CEP112: variants seen among roughly 807,000 people sequenced by gnomAD.
The protein encoded by CEP112 is centrosomal protein 112, also known as centrosomal protein of 112 kDa.
Under a neutral mutation model 153.0 loss-of-function variants are expected in CEP112, and 127 were observed. The ratio of observed to expected loss-of-function variants is 0.83; its 90% CI spans 0.72 to 0.96. The LOEUF (loss-of-function observed/expected upper bound fraction) is 0.96, where lower values mean the gene tolerates loss of function less well. Among genes scored for constraint, CEP112 ranks in the 40% least tolerant of loss-of-function variants. The probability of loss-of-function intolerance (pLI) is 0.00; values close to 1 mark genes in which losing one functional copy is unlikely to be tolerated. For synonymous variants in CEP112, 358 were observed against 374.4 expected, an observed-to-expected ratio of 0.96 and a Z score of 0.51; for missense variants, 1,089 against 1,101.2, an observed-to-expected ratio of 0.99 and a Z score of 0.16.
At chr17:65,920,965 T>C (rs2060704765) in intron 19 of CEP112, among the ~76,000 whole-genome samples, 1 of 152,208 alleles carries the variant, frequency 6.6e-6, no homozygotes. Context: ...ACTCATTTTT[T>C]TTAATCCTAC....
At chr17:65,977,723 T>A (rs2063088702) in intron 17 of CEP112, among the ~76,000 whole-genome samples, 2 of 152,192 alleles carry the variant, frequency 1.3e-5, no homozygotes, top group African/African-American at 4.8e-5. Flanking sequence ...GGAGGATCCC[T>A]TGAAGCCAGG....
intron 8 of CEP112, among the ~76,000 whole-genome samples, chr17:66,079,414 C>T (rs1298099716): frequency 6.6e-6 from 1 of 152,040 alleles, no homozygotes; most frequent in Non-Finnish European, 1.5e-5. Flanking sequence ...TGCAAACAAA[C>T]CTATTACAAC....
intron 6 of CEP112, among the ~76,000 whole-genome samples, chr17:66,101,809 A>G (rs1005215048): frequency 2.6e-5 from 4 of 151,046 alleles, no homozygotes; most frequent in Non-Finnish European, 3.0e-5. Flanking sequence ...TAATTCTGAG[A>G]AAAAAAAACA....
intron 21 of CEP112, among the ~76,000 whole-genome samples, chr17:65,762,957 T>A (rs1235557450): frequency 2.0e-5 from 3 of 152,086 alleles, no homozygotes; most frequent in Non-Finnish European, 4.4e-5. Flanking sequence ...TCATTTTATC[T>A]AAAAACTTCT....
In CEP112 at chr17:66,048,590, C is replaced by T. The variant is rs767917566; in HGVS notation, c.1218+5146G>A. Among the ~76,000 whole-genome samples the T allele has an allele frequency of 6.8e-4, 103 of 152,098 alleles. 1 individual carries two copies. The highest frequency in any genetic ancestry group is 1.8e-4 in the Non-Finnish European group (12 of 68,010). ...TTACAATACAGACAGATTTGTTTAACAAGACATAAAAAGCACTATTTTGTT... is the reference window on the plus strand; with the variant it reads ...TTACAATACAGACAGATTTGTTTAATAAGACATAAAAAGCACTATTTTGTT... On this transcript the variant is annotated intron_variant, in intron 12 of 26. Coordinates refer to ENST00000535342, the MANE Select transcript of CEP112 (RefSeq NM_001199165.4).
At chr17:66,027,692 A>C in intron 15 of CEP112, 132 bp from the exon 16 acceptor site, 1 of 622,308 alleles carries the variant, frequency 1.6e-6, no homozygotes. Flanking sequence ...TGATTAAGTA[A>C]GCCCTACAGG....
chr17:65,957,251 C>T (rs34097904), intron 18 of CEP112, among the ~76,000 whole-genome samples: 2 of 151,806 alleles, frequency 1.3e-5, no homozygotes, highest in Non-Finnish European at 1.5e-5. Context: ...AAAAATAAAA[C>T]GCTAAAAAAG....
chr17:65,906,546 G>A (rs2060091112), intron 19 of CEP112, among the ~76,000 whole-genome samples: 2 of 151,716 alleles, frequency 1.3e-5, no homozygotes, highest in East Asian at 1.9e-4. Flanking sequence ...TAAATAATAA[G>A]GCAAAATGTA....
At chr17:65,690,824 C>T (rs890015910) in intron 23 of CEP112, among the ~76,000 whole-genome samples, 2 of 152,128 alleles carry the variant, frequency 1.3e-5, no homozygotes, top group East Asian at 1.9e-4. Flanking sequence ...CATCAGGTTA[C>T]GTGGAGTCTT....
chr17:66,021,704 C>T (rs1000069870), intron 16 of CEP112, among the ~76,000 whole-genome samples: 4 of 152,128 alleles, frequency 2.6e-5, no homozygotes, highest in Admixed American at 2.6e-4. Context: ...CTGCTGACTA[C>T]CTCTAGACCC....
At chr17:66,127,587 T>C (rs932782491) in intron 6 of CEP112, among the ~76,000 whole-genome samples, 3 of 152,066 alleles carry the variant, frequency 2.0e-5, no homozygotes, top group Non-Finnish European at 2.9e-5. Flanking sequence ...CTGTGCCCAT[T>C]CCATGAACCA....
chr17:65,912,510 C>T (rs371020627), intron 19 of CEP112, among the ~76,000 whole-genome samples: 8 of 152,304 alleles, frequency 5.3e-5, no homozygotes, highest in African/African-American at 1.7e-4. Flanking sequence ...CCCTCCCATG[C>T]ACTGGCTTCT....
chr17:65,986,605 A>G (rs1306171245), intron 17 of CEP112, among the ~76,000 whole-genome samples: 1 of 152,188 alleles, frequency 6.6e-6, no homozygotes, highest in Non-Finnish European at 1.5e-5. Flanking sequence ...CTCCACAGCT[A>G]AAGGAATATA....
chr17:65,734,443 A>G (rs542040694), intron 23 of CEP112, among the ~76,000 whole-genome samples: 3 of 152,344 alleles, frequency 2.0e-5, no homozygotes, highest in East Asian at 1.9e-4. Context: ...TATGTGGATT[A>G]CATCTACTGA....
intron 21 of CEP112, among the ~76,000 whole-genome samples, chr17:65,816,229 T>C (rs1045075464): frequency 2.0e-5 from 3 of 152,080 alleles, no homozygotes; most frequent in African/African-American, 7.2e-5. Flanking sequence ...TCAGTAGTTT[T>C]GGTATACTCA....
intron 21 of CEP112, among the ~76,000 whole-genome samples, chr17:65,817,802 C>T (rs1050320009): frequency 3.3e-5 from 5 of 151,812 alleles, no homozygotes; most frequent in African/African-American, 1.2e-4. Context: ...ATTTTATTTT[C>T]AGCTTATAAC....
At chr17:66,072,811 C>T (rs939846800) in intron 8 of CEP112, among the ~76,000 whole-genome samples, 1 of 152,108 alleles carries the variant, frequency 6.6e-6, no homozygotes, top group Non-Finnish European at 1.5e-5. Flanking sequence ...TATTTCCACC[C>T]TGTACTCTAA....
chr17:65,971,193 A>G (rs1294026626), intron 17 of CEP112, among the ~76,000 whole-genome samples: 1 of 150,054 alleles, frequency 6.7e-6, no homozygotes, highest in Non-Finnish European at 1.5e-5. Context: ...GCACATGCAT[A>G]TCACATTGCA....
rs535130807 is a variant in CEP112 at position 66,188,493 on chromosome 17, T to C, written c.-9+3504A>G. 8.6e-5 allele frequency among the ~76,000 whole-genome samples: 12 copies of C among 139,702 alleles called. No homozygotes were observed. In the South Asian group the frequency reaches 1.4e-3, roughly 17 times the overall value. The allele number at this position is 139,702 out of a possible 152,430, so 91.6% of individuals were successfully genotyped here. A position where few individuals can be genotyped will look rare whatever the true frequency, so the allele number is the denominator to read the frequency against. On this transcript the variant is annotated intron_variant, in intron 1 of 26. Transcript: ENST00000535342. The stretch of plus-strand genomic sequence containing the variant: ...AGGTAAATGCAGCTCAAATGTCACC[T>C]GAGTGAAGCTGGCCCCCCCTTGCCC...
Sources: gnomAD v4.1 joint callset for allele counts (sites outside exome capture counted in the v4.1 genomes callset) on GRCh38, gnomAD v4.1.1 for gene constraint, MANE v1.5 for transcripts, NCBI Gene and HGNC (gene_info 2026-07-23, HGNC 2026-07-21) for gene names.